Variants in ARHGEF4 observed in about 807,000 individuals in gnomAD.
The protein encoded by ARHGEF4 is Rho guanine nucleotide exchange factor 4, also known as APC-stimulated guanine nucleotide exchange factor 1.
A neutral mutation model predicts 162.0 loss-of-function variants in ARHGEF4; 119 were observed. The ratio of observed to expected loss-of-function variants is 0.73; its 90% CI spans 0.63 to 0.86. The LOEUF (loss-of-function observed/expected upper bound fraction) is 0.86. ARHGEF4 is among the 40% of genes least tolerant of loss of function. The pLI, the probability that ARHGEF4 is intolerant of heterozygous loss-of-function variation, is 0.00. For synonymous variants in ARHGEF4, 1,014 were observed against 979.9 expected (o/e 1.03, Z -0.65); for missense variants, 2,488 against 2,456.0 (o/e 1.01, Z -0.28).
At chr2:130,986,167 A>G (rs1686484168) in intron 4 of ARHGEF4, among the ~76,000 whole-genome samples, 1 of 149,506 alleles carries the variant, frequency 6.7e-6, no homozygotes, top group Non-Finnish European at 1.5e-5. Flanking sequence ...TTGCATGTGT[A>G]TGTTGTGTTG....
chr2:130,881,262 G>A (rs1186955262), intron 1 of ARHGEF4, among the ~76,000 whole-genome samples: 1 of 151,872 alleles, frequency 6.6e-6, no homozygotes, highest in Non-Finnish European at 1.5e-5. Flanking sequence ...CTGACCTTAG[G>A]TGATCCACTC....
At chr2:130,903,279 C>T (rs62177058) in intron 1 of ARHGEF4, among the ~76,000 whole-genome samples, 1 of 149,170 alleles carries the variant, frequency 6.7e-6, no homozygotes, top group Non-Finnish European at 1.5e-5. Context: ...TTTTTTTCCC[C>T]AAGACAGAGT....
chr2:130,937,017 C>T (rs1682995923), intron 3 of ARHGEF4, among the ~76,000 whole-genome samples: 1 of 149,252 alleles, frequency 6.7e-6, no homozygotes, highest in Non-Finnish European at 1.5e-5. Context: ...AAGCAATTCT[C>T]CTGCCTCAGC....
chr2:130,934,312 T>C (rs1288754733), intron 3 of ARHGEF4, among the ~76,000 whole-genome samples: 2 of 151,668 alleles, frequency 1.3e-5, no homozygotes, highest in Non-Finnish European at 2.9e-5. Flanking sequence ...TCTGGTCTTA[T>C]AGAATGAGTT....
chr2:130,838,816 C>T (rs1680398731), intron 1 of ARHGEF4, among the ~76,000 whole-genome samples: 1 of 152,278 alleles, frequency 6.6e-6, no homozygotes, highest in Non-Finnish European at 1.5e-5. Flanking sequence ...ATCTGAGTCA[C>T]CCAGCTGGCC....
chr2:130,952,700 G>A (rs1684030210), intron 4 of ARHGEF4, among the ~76,000 whole-genome samples: 1 of 152,152 alleles, frequency 6.6e-6, no homozygotes, highest in South Asian at 2.1e-4. Context: ...AAGCTGATAA[G>A]CAACTTCAGC....
In ARHGEF4 at chr2:130,916,808, G is replaced by A. The variant is rs756025385; in HGVS notation, c.2862G>A (p.Ala954=). The change falls in exon 2 of 14, where the codon GCG becomes GCA. Residue 954 remains alanine (A), a synonymous_variant. Transcript: ENST00000409359. The part of the protein sequence containing the change: ...KSRLRQGSWR[A]FLKSKDAGSP... Reference sequence around the variant, plus strand: ...GGCTGCGCCAGGGTTCCTGGCGGGCGTTTCTGAAAAGCAAAGATGCCGGAA... The same window carrying A: ...GGCTGCGCCAGGGTTCCTGGCGGGCATTTCTGAAAAGCAAAGATGCCGGAA... 2.0e-5 allele frequency: 31 copies of A among 1,550,444 alleles called. No homozygotes were observed. Among genetic ancestry groups the A allele is most frequent in the Middle Eastern group, 1.7e-4 (1 of 5,992 alleles).
At chr2:130,852,466 G>A (rs2104887794) in intron 1 of ARHGEF4, among the ~76,000 whole-genome samples, 1 of 151,982 alleles carries the variant, frequency 6.6e-6, no homozygotes, top group South Asian at 2.1e-4. Context: ...CACAGATGAA[G>A]CGATGCCTTG....
At chr2:130,925,035 AGTGTGTGTGTGTGTGTGTGTGT>A (rs55986926) in intron 2 of ARHGEF4, among the ~76,000 whole-genome samples, 45 of 137,972 alleles carry the variant, frequency 3.3e-4, no homozygotes, top group East Asian at 8.7e-4. Flanking sequence ...AGGAGTTCTA[AGTGTGTGTGTGTGTGTGTGTGT>A]GTGTGTGTGT....
At chr2:130,963,988 C>A in intron 4 of ARHGEF4, 1 of 204,168 alleles carries the variant, frequency 4.9e-6, no homozygotes, top group Non-Finnish European at 8.6e-6. Context: ...GGCCGCCGCA[C>A]CGCCGCCCCC....
chr2:130,905,895 T>A (rs911828796), intron 1 of ARHGEF4, among the ~76,000 whole-genome samples: 3 of 152,164 alleles, frequency 2.0e-5, no homozygotes, highest in Non-Finnish European at 4.4e-5. Context: ...TCACTGGGGG[T>A]CTTGGAATGT....
chr2:130,885,607 T>C (rs375139274), intron 1 of ARHGEF4, among the ~76,000 whole-genome samples: 199 of 145,658 alleles, frequency 1.4e-3, no homozygotes, highest in African/African-American at 5.0e-3. Context: ...TCTCCCTCTG[T>C]CGCCCAGTCT....
chr2:130,983,210 C>A (rs1266088856), intron 4 of ARHGEF4, among the ~76,000 whole-genome samples: 4 of 152,154 alleles, frequency 2.6e-5, no homozygotes, highest in Non-Finnish European at 5.9e-5. Flanking sequence ...AGAGATTAAA[C>A]ACCATCATTT....
intron 4 of ARHGEF4, among the ~76,000 whole-genome samples, chr2:130,970,731 G>C (rs909005950): frequency 6.6e-6 from 1 of 152,094 alleles, no homozygotes; most frequent in African/African-American, 2.4e-5. Flanking sequence ...CTTTGTTGAA[G>C]CATCCAGACC....
chr2:130,866,871 T>C (rs982313979), intron 1 of ARHGEF4, among the ~76,000 whole-genome samples: 3 of 152,220 alleles, frequency 2.0e-5, no homozygotes, highest in Non-Finnish European at 4.4e-5. Flanking sequence ...TTTGTAATGC[T>C]GGCCTCCTGG....
At chr2:130,960,055 C>T (rs1350337617) in intron 4 of ARHGEF4, among the ~76,000 whole-genome samples, 1 of 152,262 alleles carries the variant, frequency 6.6e-6, no homozygotes, top group South Asian at 2.1e-4. Context: ...ACGTTGCATG[C>T]ATATACACAC....
chr2:130,906,344 C>G (rs1680810880), intron 1 of ARHGEF4, among the ~76,000 whole-genome samples: 1 of 152,174 alleles, frequency 6.6e-6, no homozygotes, highest in Non-Finnish European at 1.5e-5. Flanking sequence ...TATATATTAA[C>G]CCATATATAC....
Position 130,915,211 on chromosome 2 carries a change from G to A in ARHGEF4, c.1265G>A (p.Gly422Asp), listed in dbSNP as rs1448086546. ...GCCTCTCAGGACACTCCTTCTGCAGGTCTCCTGGGGGAAAACCAGTTAAGA... is the reference window on the plus strand; with the variant it reads ...GCCTCTCAGGACACTCCTTCTGCAGATCTCCTGGGGGAAAACCAGTTAAGA... The part of the protein sequence containing the change: ...QRASQDTPSA[G>D]LLGENQLRQD... Residue 422 changes from glycine to aspartate, a missense_variant, in exon 2 of 14, where the codon GGT becomes GAT. Gly to Asp is a moderately conservative substitution (Grantham distance 94). This residue lies in a region of ARHGEF4 where 1,642 missense variants were observed against 1,481.5 expected (regional missense o/e 1.11). Coordinates refer to ENST00000409359, the MANE Select transcript of ARHGEF4 (RefSeq NM_001367493.1). 6.4e-7 allele frequency: 1 copy of A among 1,550,586 alleles called. No individual in the cohort carries two copies.
At chr2:130,943,765 C>T (rs966911075) in intron 3 of ARHGEF4, among the ~76,000 whole-genome samples, 2 of 152,096 alleles carry the variant, frequency 1.3e-5, no homozygotes, top group African/African-American at 4.8e-5. Context: ...ATTAAATCTG[C>T]ATACATTGAA....
Sources: gnomAD v4.1 joint callset for allele counts (sites outside exome capture counted in the v4.1 genomes callset) on GRCh38, gnomAD v4.1.1 for gene constraint, gnomAD v4.1.1 regional missense constraint, MANE v1.5 for transcripts, NCBI Gene and HGNC (gene_info 2026-07-23, HGNC 2026-07-21) for gene names.